ACER3: variants seen among roughly 807,000 people sequenced by gnomAD.
ACER3 encodes alkaline ceramidase 3.
ACER3 carries 16 observed loss-of-function variants against 48.9 expected under a neutral mutation model. The ratio of observed to expected loss-of-function variants is 0.33; its 90% confidence interval spans 0.22 to 0.50. ACER3 has a LOEUF of 0.50. Ranked by LOEUF, ACER3 falls within the 20% of genes least tolerant of loss-of-function variation. The pLI, the probability that ACER3 is intolerant of heterozygous loss-of-function variation, is 0.98. For synonymous variants in ACER3, 109 were observed against 107.8 expected, an observed-to-expected ratio of 1.01 and a Z score of -0.07; for missense variants, 227 against 326.0, an observed-to-expected ratio of 0.70 and a Z score of 2.34.
At chr11:76,981,372 T>C (rs1049742535) in intron 4 of ACER3, among the ~76,000 whole-genome samples, 1 of 152,224 alleles carries the variant, frequency 6.6e-6, no homozygotes, top group African/African-American at 2.4e-5. Flanking sequence ...TTTAATCCAC[T>C]GTATTGACAC....
At chr11:76,980,198 G>A (rs984333986) in intron 4 of ACER3, among the ~76,000 whole-genome samples, 3 of 152,034 alleles carry the variant, frequency 2.0e-5, no homozygotes, top group Non-Finnish European at 4.4e-5. Context: ...CAAGAGATTG[G>A]CTCTTGAGCC....
chr11:76,885,788 T>C (rs1945656852), intron 1 of ACER3, among the ~76,000 whole-genome samples: 1 of 152,132 alleles, frequency 6.6e-6, no homozygotes, highest in South Asian at 2.1e-4. Context: ...CCGGATTGTT[T>C]GGTTTGCATA....
At chr11:76,944,822 C>A (rs182341445) in intron 2 of ACER3, among the ~76,000 whole-genome samples, 2 of 152,124 alleles carry the variant, frequency 1.3e-5, no homozygotes, top group Admixed American at 1.3e-4. Context: ...TCTCTCTTCC[C>A]CATTGGAATA....
intron 1 of ACER3, among the ~76,000 whole-genome samples, chr11:76,871,585 A>G (rs189522012): frequency 1.1e-3 from 170 of 152,286 alleles, no homozygotes; most frequent in Non-Finnish European, 1.7e-3. Context: ...TATCTGGGTT[A>G]AGATAAGGGT....
intron 4 of ACER3, among the ~76,000 whole-genome samples, chr11:76,981,239 T>G (rs1417185781): frequency 1.3e-5 from 2 of 152,240 alleles, no homozygotes; most frequent in Non-Finnish European, 2.9e-5. Flanking sequence ...GTCTCTGGAT[T>G]CTAATCTTTC....
chr11:77,025,841 A>G lies in ACER3; in HGVS notation c.*5514A>G, dbSNP rs185108151. 6.6e-6 allele frequency: 1 copy of G among 152,332 alleles called. No homozygotes were observed. Among genetic ancestry groups the G allele is most frequent in the East Asian group, 1.9e-4 (1 of 5,160 alleles). The allele number at this position is 152,332 out of a possible 1,614,324, so 9.4% of individuals were successfully genotyped here. ...GCTCTAGACTGTCAGCAAGTGGTAC[A>G]GTGGTACAGTACAGTGGTACTGCCC... On this transcript the variant is annotated 3_prime_UTR_variant, in exon 11 of 11. Coordinates refer to ENST00000532485, the MANE Select transcript of ACER3 (RefSeq NM_018367.7).
At chr11:76,974,092 T>C (rs751341848) in intron 3 of ACER3, among the ~76,000 whole-genome samples, 5 of 152,256 alleles carry the variant, frequency 3.3e-5, no homozygotes, top group African/African-American at 4.8e-5. Flanking sequence ...TCTATTCTTA[T>C]GCTATTACCA....
At chr11:76,875,133 T>TTTTTTTA (rs1490255598) in intron 1 of ACER3, among the ~76,000 whole-genome samples, 1 of 141,300 alleles carries the variant, frequency 7.1e-6, no homozygotes, top group African/African-American at 2.8e-5. Flanking sequence ...TTTTTTTTTT[T>TTTTTTTA]AGATGGAATC....
In ACER3 at chr11:77,020,419, G is replaced by T; in HGVS notation, c.*92G>T. 1 of 1,417,648 alleles carries T rather than the reference G, an allele frequency of 7.1e-7. No homozygotes were observed. 87.8% of individuals were successfully genotyped at this position (1,417,648 alleles called of 1,614,324 possible). ...CTTAAAGATCTACAAGTTCAAATAT[G>T]TCATGACCATCACAGCAGAGGAGTG... On this transcript the variant is annotated 3_prime_UTR_variant, in exon 11 of 11. Coordinates refer to ENST00000532485, the MANE Select transcript of ACER3 (RefSeq NM_018367.7).
At chr11:76,928,619 T>A (rs764101417) in intron 2 of ACER3, among the ~76,000 whole-genome samples, 12 of 152,226 alleles carry the variant, frequency 7.9e-5, no homozygotes, top group Non-Finnish European at 1.6e-4. Flanking sequence ...CTTTGATCCA[T>A]CTTGAATTAA....
rs1224863778 is a variant in ACER3, at chr11:77,016,604, T to C, written c.600-71T>C. ...TTTTGAGAATGATATTTCAAAATGC[T>C]CTAAGACTATCAGCGTTAGTCGCTA... On this transcript the variant is annotated intron_variant, in intron 8 of 10. Transcript: ENST00000532485. 5.2e-6 allele frequency: 4 copies of C among 776,430 alleles called. No individual in the cohort carries two copies. In the East Asian group the frequency reaches 7.9e-5, roughly 15 times the overall value. 48.1% of individuals were successfully genotyped at this position (776,430 alleles called of 1,614,324 possible). A position where few individuals can be genotyped will look rare whatever the true frequency, so the allele number is the denominator to read the frequency against.
At chr11:76,995,458 G>A (rs1231149421) in intron 6 of ACER3, among the ~76,000 whole-genome samples, 1 of 152,120 alleles carries the variant, frequency 6.6e-6, no homozygotes, top group Non-Finnish European at 1.5e-5. Flanking sequence ...TGCTTTAGTA[G>A]AGAGAAAACA....
Position 76,935,587 on chromosome 11 carries a change from A to G in ACER3, c.214+8920A>G, listed in dbSNP as rs573428589. On this transcript the variant is annotated intron_variant, in intron 2 of 10. Transcript: ENST00000532485. ...AAATACCAGTGGAGCAGCATTTTCT[A>G]AAAAAATGAAGAGGAAGTATAAGCC... 2.6e-5 allele frequency among the ~76,000 whole-genome samples: 4 copies of G among 152,304 alleles called. No homozygotes were observed. The South Asian group carries it at 8.3e-4, about 32-fold the overall frequency.
At position 77,025,392 on chromosome 11, in the gene ACER3, T is replaced by TATATATATATATATATATA. The variant is rs1555025490; in HGVS notation, c.*5065_*5066insATATATATATATATATATA. The TATATATATATATATATATA allele has an allele frequency of 7.4e-6, 1 of 135,848 alleles. No individual in the cohort carries two copies. Among genetic ancestry groups the TATATATATATATATATATA allele is most frequent in the African/African-American group, 3.1e-5 (1 of 32,248 alleles). 8.4% of individuals were successfully genotyped at this position (135,848 alleles called of 1,614,324 possible). A position where few individuals can be genotyped will look rare whatever the true frequency, so the allele number is the denominator to read the frequency against. On this transcript the variant is annotated 3_prime_UTR_variant, in exon 11 of 11. Transcript: ENST00000532485. ...TGGTTATTTTATTTTATTTTATTCT[T>TATATATATATATATATATA]TATATATATATATATATATTTATTT...
At chr11:76,905,264 TA>T (rs959677342) in intron 1 of ACER3, among the ~76,000 whole-genome samples, 1 of 152,072 alleles carries the variant, frequency 6.6e-6, no homozygotes, top group Non-Finnish European at 1.5e-5. Flanking sequence ...ACCTTTAAAT[TA>T]AAAAAAATTG....
intron 7 of ACER3, chr11:77,011,354 TGAGA>T (rs1226310087): frequency 2.0e-6 from 2 of 985,388 alleles, no homozygotes; most frequent in African/African-American, 3.5e-5. Flanking sequence ...GAACTGCCCC[TGAGA>T]GCTGAAGATT....
chr11:76,990,043 T>C (rs1243078693), intron 5 of ACER3, among the ~76,000 whole-genome samples: 1 of 152,206 alleles, frequency 6.6e-6, no homozygotes, highest in African/African-American at 2.4e-5. Context: ...TTTCAGGTAT[T>C]TTAGCTTATC....
chr11:76,899,753 T>C (rs1426598301), intron 1 of ACER3, among the ~76,000 whole-genome samples: 2 of 152,222 alleles, frequency 1.3e-5, no homozygotes, highest in African/African-American at 4.8e-5. Context: ...CCCCTAGACA[T>C]GTTACTTTGC....
rs782360953 is a variant in ACER3, at chr11:77,015,011, C to A, written c.498-5C>A. ...TATTTTGCTTTTCTGTTTTCCCCCC[C>A]ACAGGGTTTATCCATGGCTTAGAGG... On this transcript the variant is annotated splice_polypyrimidine_tract_variant and splice_region_variant and intron_variant, in intron 7 of 10. Coordinates refer to ENST00000532485, the MANE Select transcript of ACER3 (RefSeq NM_018367.7). 1.2e-4 allele frequency: 179 copies of A among 1,552,546 alleles called. No homozygotes were observed. The highest frequency in any genetic ancestry group is 1.0e-3 in the Middle Eastern group (6 of 5,954).
Sources: gnomAD v4.1 joint callset for allele counts (sites outside exome capture counted in the v4.1 genomes callset) on GRCh38, gnomAD v4.1.1 for gene constraint, MANE v1.5 for transcripts, NCBI Gene and HGNC (gene_info 2026-07-23, HGNC 2026-07-21) for gene names.